The following TLK2 variants were observed in gnomAD, a reference collection of about 807,000 sequenced individuals.
The protein encoded by TLK2 is tousled like kinase 2.
In TLK2, 6 loss-of-function variants were observed where a neutral mutation model predicts 117.3. The ratio of observed to expected loss-of-function variants is 0.05; its 90% CI spans 0.03 to 0.10. The LOEUF (loss-of-function observed/expected upper bound fraction) is 0.10, where lower values mean the gene tolerates loss of function less well. Among genes scored for constraint, TLK2 ranks in the 10% least tolerant of loss-of-function variants. TLK2 has a pLI of 1.00. For synonymous variants in TLK2, 257 were observed against 316.7 expected, an observed-to-expected ratio of 0.81 and a Z score of 2.00; for missense variants, 299 against 901.2, an observed-to-expected ratio of 0.33 and a Z score of 8.56.
At chr17:62,540,400 ATTT>A (rs534202077) in intron 7 of TLK2, among the ~76,000 whole-genome samples, 475 of 20,010 alleles carry the variant, frequency 0.024, 20 homozygotes, top group Middle Eastern at 0.062. Flanking sequence ...TATGTTCAGA[ATTT>A]TTTTTTTTTT....
intron 14 of TLK2, among the ~76,000 whole-genome samples, chr17:62,579,539 T>C (rs777999955): frequency 1.6e-4 from 25 of 152,172 alleles, no homozygotes; most frequent in Non-Finnish European, 3.1e-4. Context: ...TATTTTTAAA[T>C]TTGTTTTTGC....
chr17:62,491,450 C>G (rs1237551211), intron 2 of TLK2, among the ~76,000 whole-genome samples: 3 of 152,140 alleles, frequency 2.0e-5, no homozygotes, highest in Non-Finnish European at 1.5e-5. Context: ...TTCTTCCTCT[C>G]TACCTTGTCT....
chr17:62,538,464 T>C (rs2077271649), intron 7 of TLK2, among the ~76,000 whole-genome samples: 1 of 152,218 alleles, frequency 6.6e-6, no homozygotes, highest in Non-Finnish European at 1.5e-5. Context: ...ATTCTGTTTG[T>C]TTACTCCACA....
At chr17:62,510,483 G>T (rs1410327703) in intron 2 of TLK2, among the ~76,000 whole-genome samples, 1 of 152,188 alleles carries the variant, frequency 6.6e-6, no homozygotes, top group African/African-American at 2.4e-5. Flanking sequence ...ACCTCACAAG[G>T]TAGGGCAACC....
At chr17:62,494,420 C>T (rs1172266380) in intron 2 of TLK2, among the ~76,000 whole-genome samples, 1 of 152,022 alleles carries the variant, frequency 6.6e-6, no homozygotes, top group South Asian at 2.1e-4. Context: ...CAGTACCTGG[C>T]TGATTTTTGT....
At chr17:62,476,565 AGT>A (rs2144205517), upstream of TLK2, among the ~76,000 whole-genome samples, 1 of 150,564 alleles carries the variant, frequency 6.6e-6, no homozygotes, top group Non-Finnish European at 1.5e-5. Flanking sequence ...CCCGGGCGAC[AGT>A]GTGAGACTCT....
chr17:62,504,935 G>A (rs953245802), intron 2 of TLK2, among the ~76,000 whole-genome samples: 3 of 151,838 alleles, frequency 2.0e-5, no homozygotes, highest in East Asian at 3.9e-4. Context: ...CCTCCGCCTC[G>A]CAGTTTCAAG....
chr17:62,538,376 A>G (rs2077265942), intron 7 of TLK2, among the ~76,000 whole-genome samples: 1 of 151,972 alleles, frequency 6.6e-6, no homozygotes, highest in African/African-American at 2.4e-5. Context: ...TCCAGAAAAA[A>G]CCTTGGATAA....
chr17:62,529,187 T>C (rs553013647), intron 6 of TLK2, among the ~76,000 whole-genome samples: 1 of 152,344 alleles, frequency 6.6e-6, no homozygotes, highest in African/African-American at 2.4e-5. Flanking sequence ...AATTTTGTTT[T>C]ATGTATTATG....
intron 2 of TLK2, among the ~76,000 whole-genome samples, chr17:62,507,718 A>G (rs1042667547): frequency 1.3e-5 from 2 of 152,172 alleles, no homozygotes; most frequent in African/African-American, 2.4e-5. Flanking sequence ...CCTCTATTCT[A>G]CAAGTTTTTC....
At chr17:62,568,729 T>G (rs566792892) in intron 11 of TLK2, among the ~76,000 whole-genome samples, 1 of 151,930 alleles carries the variant, frequency 6.6e-6, no homozygotes, top group Admixed American at 6.5e-5. Context: ...GGATTACAGG[T>G]GCCCACCACT....
chr17:62,570,644 C>T (rs1039332342), intron 11 of TLK2, among the ~76,000 whole-genome samples: 10 of 152,100 alleles, frequency 6.6e-5, no homozygotes, highest in African/African-American at 2.2e-4. Flanking sequence ...CCTTAAAATA[C>T]GTAACATTGA....
At chr17:62,498,962 A>T (rs1425793248) in intron 2 of TLK2, among the ~76,000 whole-genome samples, 2 of 152,102 alleles carry the variant, frequency 1.3e-5, no homozygotes, top group Non-Finnish European at 2.9e-5. Context: ...TCCAGGGCTC[A>T]CGAGACCCTC....
At chr17:62,570,569 CTCTT>C (rs2080205418) in intron 11 of TLK2, among the ~76,000 whole-genome samples, 1 of 152,182 alleles carries the variant, frequency 6.6e-6, no homozygotes, top group African/African-American at 2.4e-5. Context: ...CTGATAGACT[CTCTT>C]TATTCTTTTC....
chr17:62,495,314 A>G (rs2073538480), intron 2 of TLK2, among the ~76,000 whole-genome samples: 1 of 152,234 alleles, frequency 6.6e-6, no homozygotes, highest in Non-Finnish European at 1.5e-5. Flanking sequence ...AACAATTTTG[A>G]TACAATATTA....
intron 2 of TLK2, among the ~76,000 whole-genome samples, chr17:62,513,318 CTTTTTTTT>C (rs35309536): frequency 1.4e-3 from 137 of 99,860 alleles, no homozygotes; most frequent in African/African-American, 5.2e-3. Flanking sequence ...ATTAAATTGC[CTTTTTTTT>C]TTTTTTTTTT....
intron 7 of TLK2, among the ~76,000 whole-genome samples, chr17:62,537,182 G>T (rs934839883): frequency 2.6e-5 from 4 of 152,028 alleles, no homozygotes; most frequent in African/African-American, 9.7e-5. Flanking sequence ...TTATCCTGTG[G>T]TGTCTATAAG....
intron 2 of TLK2, among the ~76,000 whole-genome samples, chr17:62,508,004 T>G (rs1208190914): frequency 6.6e-6 from 1 of 152,170 alleles, no homozygotes; most frequent in African/African-American, 2.4e-5. Context: ...AAAATTATTA[T>G]CAGCAGGAGA....
chr17:62,491,735 G>A (rs2073130654), intron 2 of TLK2, among the ~76,000 whole-genome samples: 1 of 152,120 alleles, frequency 6.6e-6, no homozygotes, highest in Admixed American at 6.6e-5. Context: ...ATAGGTGGGT[G>A]CCACCATGCC....
Sources: gnomAD v4.1 joint callset for allele counts (sites outside exome capture counted in the v4.1 genomes callset) on GRCh38, gnomAD v4.1.1 for gene constraint, MANE v1.5 for transcripts, NCBI Gene and HGNC (gene_info 2026-07-23, HGNC 2026-07-21) for gene names.